HDAC9: variants seen among roughly 807,000 people sequenced by gnomAD.
HDAC9 encodes the protein MEF-2 interacting transcription repressor (MITR) protein.
HDAC9 carries 41 observed loss-of-function variants against 139.4 expected under a neutral mutation model. The observed-to-expected ratio is 0.29, with a 90% CI of 0.23 to 0.38. The LOEUF is 0.38. Among genes scored for constraint, HDAC9 ranks in the 10% least tolerant of loss-of-function variants. The pLI, the probability that HDAC9 is intolerant of heterozygous loss-of-function variation, is 1.00. For missense variants in HDAC9, 1,147 were observed against 1,297.0 expected, an observed-to-expected ratio of 0.88 and a Z score of 1.78; for synonymous variants, 517 against 476.2, an observed-to-expected ratio of 1.09 and a Z score of -1.12.
chr7:18,450,961 G>C (rs940556450), intron 1 of HDAC9, among the ~76,000 whole-genome samples: 57 of 152,154 alleles, frequency 3.7e-4, no homozygotes, highest in Admixed American at 3.7e-3. Flanking sequence ...ATGGATATAT[G>C]TTCACATATA....
At chr7:18,342,601 C>T (rs1782099978) in intron 1 of HDAC9, among the ~76,000 whole-genome samples, 1 of 151,818 alleles carries the variant, frequency 6.6e-6, no homozygotes, top group African/African-American at 2.4e-5. Context: ...CTAATTACCT[C>T]TCTGCCTCAA....
rs148101505 is a variant in HDAC9 at position 18,601,493 on chromosome 7, G to A, written c.664+7464G>A. The stretch of plus-strand genomic sequence containing the variant: ...TTTTCATGTCTTATTGCACTAGCTA[G>A]GACATTCAGAATGATGTTGAGATGT... On this transcript the variant is annotated intron_variant, in intron 6 of 25. Transcript: ENST00000686413. Among the ~76,000 whole-genome samples, 927 of 151,822 alleles carry A rather than the reference G, an allele frequency of 6.1e-3. 5 individuals are homozygous for A. The highest frequency in any genetic ancestry group is 8.7e-3 in the Non-Finnish European group (589 of 67,940).
At position 18,608,935 on chromosome 7, in the gene HDAC9, G is replaced by A. The variant is rs1836301719; in HGVS notation, c.664+14906G>A. 3.9e-5 allele frequency among the ~76,000 whole-genome samples: 6 copies of A among 152,084 alleles called. 1 individual carries two copies. The South Asian group carries it at 1.2e-3, about 32-fold the overall frequency. On this transcript the variant is annotated intron_variant, in intron 6 of 25. Transcript: ENST00000686413. ...ACTATTTCATATTTTCAGATTATAG[G>A]CATTCTTGAGTGAAAGCAAAGATCC...
chr7:18,810,804 A>ATG (rs1419494319), intron 17 of HDAC9, among the ~76,000 whole-genome samples: 2 of 151,868 alleles, frequency 1.3e-5, no homozygotes, highest in African/African-American at 4.8e-5. Flanking sequence ...CTTTCACTTA[A>ATG]AATGTTTACG....
chr7:18,986,802 G>A (rs1785396376), intron 25 of HDAC9, among the ~76,000 whole-genome samples: 1 of 151,974 alleles, frequency 6.6e-6, no homozygotes, highest in Non-Finnish European at 1.5e-5. Flanking sequence ...TTGTAAGTTG[G>A]ATTCCTAGGT....
At chr7:18,554,405 G>A (rs1162671419) in intron 2 of HDAC9, among the ~76,000 whole-genome samples, 2 of 145,586 alleles carry the variant, frequency 1.4e-5, no homozygotes, top group South Asian at 2.2e-4. Flanking sequence ...GCGCGATCTC[G>A]GCTCACTGCA....
intron 2 of HDAC9, among the ~76,000 whole-genome samples, chr7:18,533,169 G>T (rs1264250284): frequency 6.6e-6 from 1 of 152,052 alleles, no homozygotes; most frequent in Non-Finnish European, 1.5e-5. Context: ...TATTTATCTG[G>T]TTTTGTATAC....
At chr7:18,946,284 T>A (rs1467998475) in intron 23 of HDAC9, among the ~76,000 whole-genome samples, 1 of 152,062 alleles carries the variant, frequency 6.6e-6, no homozygotes, top group African/African-American at 2.4e-5. Flanking sequence ...TTGGCCCCAC[T>A]GCATTTTTAT....
chr7:18,441,734 C>CAT lies in HDAC9; in HGVS notation c.-41-54518_-41-54517dup, dbSNP rs535671378. ...CACCTATCTTCCATCCAGAAAGGGA[C>CAT]ATATATATATACACACACACATATA... On this transcript the variant is annotated intron_variant, in intron 1 of 3. Transcript: ENST00000413509. Among the ~76,000 whole-genome samples, 287 of 152,038 alleles carry CAT rather than the reference C, an allele frequency of 1.9e-3. 2 individuals are homozygous for CAT. Among genetic ancestry groups the CAT allele is most frequent in the African/African-American group, 5.6e-3 (233 of 41,426 alleles).
At chr7:18,175,443 G>C (rs548554597) in intron 2 of HDAC9, among the ~76,000 whole-genome samples, 73 of 152,284 alleles carry the variant, frequency 4.8e-4, no homozygotes, top group Non-Finnish European at 5.6e-4. Context: ...CCCTGCTTCA[G>C]CTCACCCTCC....
intron 21 of HDAC9, among the ~76,000 whole-genome samples, chr7:18,866,510 C>T (rs1206321672): frequency 6.6e-6 from 1 of 152,054 alleles, no homozygotes; most frequent in Non-Finnish European, 1.5e-5. Flanking sequence ...ACTGTGTGTG[C>T]CTGGGTTTGT....
intron 19 of HDAC9, 142 bp from the exon 20 acceptor site, chr7:18,835,325 G>A (rs116312530): frequency 2.2e-6 from 2 of 922,148 alleles, no homozygotes; most frequent in African/African-American, 1.7e-5. Flanking sequence ...GGCTGAAAGG[G>A]AGAAAGAAAA....
intron 12 of HDAC9, among the ~76,000 whole-genome samples, chr7:18,714,832 C>G (rs1784587258): frequency 6.6e-6 from 1 of 152,188 alleles, no homozygotes; most frequent in African/African-American, 2.4e-5. Context: ...GTGACTGGAT[C>G]TGTTGAGTCC....
rs530751421 is a variant in HDAC9, at chr7:18,680,970, T to C, written c.1731+14494T>C. On this transcript the variant is annotated intron_variant, in intron 12 of 25. Coordinates refer to ENST00000686413, the MANE Select transcript of HDAC9 (RefSeq NM_178425.4). ...GCCTTGGGGAAGTGAAAAAGAAATATTGAGTAGATGAAGAAGAGCTGTTGC... is the reference window on the plus strand; with the variant it reads ...GCCTTGGGGAAGTGAAAAAGAAATACTGAGTAGATGAAGAAGAGCTGTTGC... Among the ~76,000 whole-genome samples the C allele has an allele frequency of 5.9e-5, 9 of 152,138 alleles. No individual in the cohort carries two copies. The South Asian group carries it at 1.5e-3, about 25-fold the overall frequency.
At chr7:18,612,507 G>A (rs534190530) in intron 6 of HDAC9, among the ~76,000 whole-genome samples, 3 of 152,140 alleles carry the variant, frequency 2.0e-5, no homozygotes, top group Admixed American at 1.3e-4. Context: ...GCATATTAAT[G>A]TTAGAGAATT....
Position 18,647,934 on chromosome 7 carries a change from C to T in HDAC9, c.1185C>T (p.His395=). The T allele has an allele frequency of 6.2e-7, 1 of 1,612,800 alleles. No individual in the cohort carries two copies. The highest frequency in any genetic ancestry group is 8.5e-7 in the Non-Finnish European group (1 of 1,179,404). Residue 395 remains histidine, a synonymous_variant, in exon 10 of 26, where the codon CAC becomes CAT. Coordinates refer to ENST00000686413, the MANE Select transcript of HDAC9 (RefSeq NM_178425.4). ...TLEGKPPNSS[H]QALLQHLLLK... is the part of the protein sequence containing the mutation. ...AGGGAAAGCCACCCAACAGCAGCCA[C>T]CAGGCTCTCCTGCAGCATTTATTAT...
Position 18,874,604 on chromosome 7 carries a change from C to A in HDAC9, c.2803+8C>A, listed in dbSNP as rs1413580589. On this transcript the variant is annotated splice_region_variant and intron_variant, in intron 22 of 25. Coordinates refer to ENST00000686413, the MANE Select transcript of HDAC9 (RefSeq NM_178425.4). ...ACAAAGTGACGGCAAAATGTAAGTA[C>A]CTCTTTCAGGACTTTACGAAAGGCT... 1.2e-5 allele frequency: 18 copies of A among 1,500,604 alleles called. No individual in the cohort carries two copies. The highest frequency in any genetic ancestry group is 1.6e-5 in the Non-Finnish European group (18 of 1,092,162). The allele number at this position is 1,500,604 out of a possible 1,614,324, so 93.0% of individuals were successfully genotyped here. A position where few individuals can be genotyped will look rare whatever the true frequency, so the allele number is the denominator to read the frequency against.
At chr7:18,990,041 T>C (rs2129349011) in intron 25 of HDAC9, among the ~76,000 whole-genome samples, 1 of 152,264 alleles carries the variant, frequency 6.6e-6, no homozygotes, top group African/African-American at 2.4e-5. Flanking sequence ...TCTGAAGCCT[T>C]CTTCTCTCAG....
intron 1 of HDAC9, among the ~76,000 whole-genome samples, chr7:18,112,388 A>G (rs932563810): frequency 6.6e-6 from 1 of 151,502 alleles, no homozygotes. Context: ...GTTGGTATAC[A>G]ACAATTACAT....
Sources: gnomAD v4.1 joint callset for allele counts (sites outside exome capture counted in the v4.1 genomes callset) on GRCh38, gnomAD v4.1.1 for gene constraint, MANE v1.5 for transcripts, NCBI Gene and HGNC (gene_info 2026-07-23, HGNC 2026-07-21) for gene names.